The following SNX5 variants were observed in gnomAD, a reference collection of about 807,000 sequenced individuals.
The protein encoded by SNX5 is sorting nexin-5.
In SNX5, 31 loss-of-function variants were observed where a neutral mutation model predicts 53.9. The observed-to-expected ratio is 0.58, with a 90% CI of 0.43 to 0.78. SNX5 has a LOEUF of 0.78. Among genes scored for constraint, SNX5 ranks in the 30% least tolerant of loss-of-function variants. SNX5 has a pLI of 0.00. For synonymous variants in SNX5, 168 were observed against 171.1 expected, an observed-to-expected ratio of 0.98 and a Z score of 0.14; for missense variants, 471 against 478.8, an observed-to-expected ratio of 0.98 and a Z score of 0.15.
intron 1 of SNX5, chr20:17,961,604 T>C: frequency 1.0e-6 from 1 of 967,356 alleles, no homozygotes; most frequent in Non-Finnish European, 1.2e-6. Context: ...CATAAATTAC[T>C]ACAGATAGGA....
intron 1 of SNX5, among the ~76,000 whole-genome samples, chr20:17,966,009 A>G (rs1418022992): frequency 1.3e-5 from 2 of 152,160 alleles, no homozygotes; most frequent in Non-Finnish European, 2.9e-5. Flanking sequence ...ACACCAGTTA[A>G]ACACGAAACC....
chr20:17,951,891 C>A (rs2039574382), intron 5 of SNX5, among the ~76,000 whole-genome samples: 1 of 152,124 alleles, frequency 6.6e-6, no homozygotes, highest in Non-Finnish European at 1.5e-5. Flanking sequence ...TATTAAGTAG[C>A]AAAAACCAAA....
At chr20:17,952,058 C>A (rs939110221) in intron 5 of SNX5, among the ~76,000 whole-genome samples, 1 of 152,122 alleles carries the variant, frequency 6.6e-6, no homozygotes, top group African/African-American at 2.4e-5. Context: ...CCCATCTCTA[C>A]TAAAAATACA....
intron 1 of SNX5, among the ~76,000 whole-genome samples, chr20:17,966,799 G>C (rs971244521): frequency 2.6e-5 from 4 of 152,120 alleles, no homozygotes; most frequent in African/African-American, 9.7e-5. Context: ...AGTTGCCCAA[G>C]ACTTAGTTTC....
At chr20:17,943,426 G>T (rs1377500598) in intron 11 of SNX5, 1 of 483,860 alleles carries the variant, frequency 2.1e-6, no homozygotes, top group East Asian at 3.8e-5. Flanking sequence ...ACCAAGCATC[G>T]TGAGTGGGAG....
At position 17,949,117 on chromosome 20, in the gene SNX5, TA is replaced by T; in HGVS notation, c.792-15del. On this transcript the variant is annotated splice_polypyrimidine_tract_variant and intron_variant, in intron 8 of 12. Transcript: ENST00000377759. Reference sequence around the variant, plus strand: ...TTCAATAGGTACCTGGAAATGTACATATAATTTTGGTTTAAGGTCTTAAATC... The same window carrying T: ...TTCAATAGGTACCTGGAAATGTACATTAATTTTGGTTTAAGGTCTTAAATC... 1 of 1,612,044 alleles carries T rather than the reference TA, an allele frequency of 6.2e-7. No individual in the cohort carries two copies. The highest frequency in any genetic ancestry group is 8.5e-7 in the Non-Finnish European group (1 of 1,178,940).
At position 17,951,794 on chromosome 20, in the gene SNX5, A is replaced by T. The variant is rs560557883; in HGVS notation, c.514-199T>A. ...CATAGGTAGGTCATCTCATTCTAAA[A>T]GGCTTGACAGATTTTGAAAGACTGA... On this transcript the variant is annotated intron_variant, in intron 5 of 12. Transcript: ENST00000377759. Among the ~76,000 whole-genome samples the T allele has an allele frequency of 2.3e-4, 35 of 152,358 alleles. 1 individual carries two copies. Among genetic ancestry groups the T allele is most frequent in the African/African-American group, 8.2e-4 (34 of 41,580 alleles).
intron 4 of SNX5, 140 bp downstream of exon 4, chr20:17,953,856 G>A: frequency 1.5e-6 from 1 of 675,020 alleles, no homozygotes; most frequent in Non-Finnish European, 2.6e-6. Context: ...TGTATTACTA[G>A]TTTTAGAAAA....
rs538165341 is a variant in SNX5 at position 17,942,274 on chromosome 20, A to G, written c.*83T>C. ...ATTTTAAACTAAAGTTGAAGCTAAT[A>G]TATCTTCCGTGGTAATGATTTAAGT... On this transcript the variant is annotated 3_prime_UTR_variant, in exon 13 of 13. Transcript: ENST00000377759. The G allele has an allele frequency of 2.1e-4, 183 of 855,146 alleles. No individual in the cohort carries two copies. The African/African-American group carries it at 2.5e-3, about 12-fold the overall frequency. 53.0% of individuals were successfully genotyped at this position (855,146 alleles called of 1,614,324 possible).
intron 8 of SNX5, 108 bp from the exon 9 acceptor site, chr20:17,949,211 G>A (rs1252926063): frequency 2.3e-6 from 2 of 870,220 alleles, no homozygotes; most frequent in African/African-American, 1.7e-5. Context: ...CTAGCCTTTG[G>A]TACTTTAGCA....
chr20:17,968,348 A>G, intron 1 of SNX5, 27 bp downstream of exon 1: 1 of 1,260,976 alleles, frequency 7.9e-7, no homozygotes, highest in Non-Finnish European at 1.0e-6. Context: ...CCGCCCGCCC[A>G]GGAGTCTGAG....
chr20:17,968,513 G>T lies in SNX5; in HGVS notation c.-88C>A. The T allele has an allele frequency of 8.1e-7, 1 of 1,232,536 alleles. No homozygotes were observed. Among genetic ancestry groups the T allele is most frequent in the Non-Finnish European group, 1.0e-6 (1 of 963,226 alleles). The allele number at this position is 1,232,536 out of a possible 1,614,324, so 76.3% of individuals were successfully genotyped here. The stretch of plus-strand genomic sequence containing the variant: ...GCCGCCGCCGCCTGGGCGCCTCTCG[G>T]GGGCGGCCACGGCCCCGCCTCCGCC... On this transcript the variant is annotated 5_prime_UTR_variant, in exon 1 of 13. Transcript: ENST00000377759.
chr20:17,962,008 C>T (rs2328232), intron 1 of SNX5: 268,534 of 952,642 alleles, frequency 0.28, 39,465 homozygotes, highest in East Asian at 0.43. Flanking sequence ...TTAGGAAACA[C>T]ATGCTACTTT....
chr20:17,942,595 C>G (rs1450008230), intron 12 of SNX5, 188 bp from the exon 13 acceptor site: 3 of 610,044 alleles, frequency 4.9e-6, no homozygotes, highest in Non-Finnish European at 8.9e-6. Flanking sequence ...TGTTTCAGCT[C>G]CTCTCCCTCA....
chr20:17,946,580 A>G (rs907402394), intron 11 of SNX5, among the ~76,000 whole-genome samples: 9 of 152,232 alleles, frequency 5.9e-5, no homozygotes, highest in Non-Finnish European at 7.3e-5. Flanking sequence ...GAAATTTCTG[A>G]GAAAAGGGAA....
intron 1 of SNX5, among the ~76,000 whole-genome samples, chr20:17,967,129 T>C (rs985829548): frequency 6.6e-6 from 1 of 152,110 alleles, no homozygotes; most frequent in African/African-American, 2.4e-5. Flanking sequence ...CAATATACTG[T>C]ACTACCAGAG....
intron 1 of SNX5, chr20:17,961,956 G>A: frequency 1.0e-6 from 1 of 979,516 alleles, no homozygotes; most frequent in Non-Finnish European, 1.2e-6. Context: ...CTCTAGATTT[G>A]TATTAATGTC....
chr20:17,962,843 A>C (rs1357079377), intron 1 of SNX5: 2 of 519,172 alleles, frequency 3.9e-6, no homozygotes, highest in Middle Eastern at 3.2e-4. Flanking sequence ...ACTGCAGGGC[A>C]TTTTCAGGCT....
At chr20:17,961,986 CAT>C (rs2035460495) in intron 1 of SNX5, 7 of 976,888 alleles carry the variant, frequency 7.2e-6, no homozygotes, top group Middle Eastern at 5.3e-4. Flanking sequence ...TAAAGATTCA[CAT>C]GATACATATT....
Sources: allele counts gnomAD v4.1 joint callset (sites outside exome capture counted in the v4.1 genomes callset), GRCh38; gene constraint gnomAD v4.1.1; transcripts MANE v1.5; gene names NCBI Gene and HGNC (gene_info 2026-07-23, HGNC 2026-07-21).